Variants in IL12RB2 observed in about 807,000 individuals in gnomAD.
IL12RB2 encodes the protein interleukin 12 receptor subunit beta 2, also known as interleukin-12 receptor subunit beta-2.
Under a neutral mutation model 89.4 loss-of-function variants are expected in IL12RB2, and 82 were observed. The observed-to-expected ratio is 0.92, with a 90% CI of 0.77 to 1.10. IL12RB2 has a LOEUF of 1.10. Among genes scored for constraint, IL12RB2 ranks in the 50% least tolerant of loss-of-function variants. The pLI is 0.00. For synonymous variants in IL12RB2, 368 were observed against 370.1 expected, an observed-to-expected ratio of 0.99 and a Z score of 0.07; for missense variants, 963 against 1,031.9, an observed-to-expected ratio of 0.93 and a Z score of 0.92.
chr1:67,368,828 G>A (rs1006566301), intron 11 of IL12RB2, among the ~76,000 whole-genome samples: 3 of 152,096 alleles, frequency 2.0e-5, no homozygotes, highest in East Asian at 1.9e-4. Flanking sequence ...TACCTACCTC[G>A]TTGGGTTATT....
At chr1:67,320,774 A>T (rs1656387859) in intron 3 of IL12RB2, among the ~76,000 whole-genome samples, 1 of 151,820 alleles carries the variant, frequency 6.6e-6, no homozygotes, top group Admixed American at 6.6e-5. Context: ...GTTCTGGGAT[A>T]CATGTGCAGA....
intron 8 of IL12RB2, among the ~76,000 whole-genome samples, chr1:67,332,467 C>T (rs1022171273): frequency 2.6e-5 from 4 of 152,098 alleles, no homozygotes; most frequent in Admixed American, 6.5e-5. Context: ...CCACCTGCCT[C>T]GGCCTCCCAA....
chr1:67,379,027 G>C (rs17129917), intron 13 of IL12RB2, among the ~76,000 whole-genome samples: 1 of 147,418 alleles, frequency 6.8e-6, no homozygotes, highest in Non-Finnish European at 1.5e-5. Context: ...GTGAAACCCC[G>C]TTCTACTAAA....
At chr1:67,368,862 G>A (rs193257788) in intron 11 of IL12RB2, among the ~76,000 whole-genome samples, 14 of 152,248 alleles carry the variant, frequency 9.2e-5, no homozygotes, top group African/African-American at 3.1e-4. Flanking sequence ...GAATTACTTC[G>A]TGGAAAATGT....
intron 10 of IL12RB2, among the ~76,000 whole-genome samples, chr1:67,362,278 A>T (rs1369327840): frequency 6.8e-6 from 1 of 147,784 alleles, no homozygotes; most frequent in Non-Finnish European, 1.5e-5. Flanking sequence ...CTCAAAAAAG[A>T]AAAAGAGGCC....
chr1:67,382,763 T>C (rs1664746228), intron 14 of IL12RB2, among the ~76,000 whole-genome samples: 1 of 151,352 alleles, frequency 6.6e-6, no homozygotes, highest in African/African-American at 2.4e-5. Flanking sequence ...TGGAGTATAG[T>C]GGCATGATCA....
intron 14 of IL12RB2, among the ~76,000 whole-genome samples, chr1:67,382,407 A>G (rs1239018226): frequency 6.6e-6 from 1 of 152,174 alleles, no homozygotes; most frequent in Non-Finnish European, 1.5e-5. Flanking sequence ...TCTTTCTGCA[A>G]GACTGCAGAT....
At chr1:67,369,767 C>A (rs898047971) in intron 11 of IL12RB2, among the ~76,000 whole-genome samples, 1 of 151,980 alleles carries the variant, frequency 6.6e-6, no homozygotes, top group East Asian at 1.9e-4. Flanking sequence ...AGGCTGGGCG[C>A]GGTGGCTCAC....
chr1:67,392,286 A>G (rs1334905852), intron 16 of IL12RB2, among the ~76,000 whole-genome samples: 1 of 152,212 alleles, frequency 6.6e-6, no homozygotes, highest in African/African-American at 2.4e-5. Flanking sequence ...GTAAAGGTGC[A>G]CCAGGATGCA....
chr1:67,375,848 T>G (rs1035082208), intron 13 of IL12RB2, among the ~76,000 whole-genome samples: 52 of 139,412 alleles, frequency 3.7e-4, no homozygotes, highest in African/African-American at 1.3e-3. Context: ...TTTCTTTTTC[T>G]TTTTTTTTTT....
In IL12RB2 at chr1:67,327,488, C is replaced by T. The variant is rs10489626; in HGVS notation, c.479+639C>T. Among the ~76,000 whole-genome samples the T allele has an allele frequency of 2.0e-5, 3 of 152,072 alleles. No individual in the cohort carries two copies. In the South Asian group the frequency reaches 6.2e-4, roughly 32 times the overall value. On this transcript the variant is annotated intron_variant, in intron 5 of 16. Coordinates refer to ENST00000674203, the MANE Select transcript of IL12RB2 (RefSeq NM_001374259.2). ...TAGGGTTAAACTGGCTGCATAAGAT[C>T]GCTTCTCTTTTCTGCAGCTGTAGGC...
At chr1:67,330,861 G>A (rs575964353) in intron 8 of IL12RB2, 51 bp downstream of exon 8, 30 of 980,546 alleles carry the variant, frequency 3.1e-5, no homozygotes, top group Admixed American at 6.8e-5. Flanking sequence ...AGGGGAGAGA[G>A]GGGGGAAGAT....
Position 67,347,858 on chromosome 1 carries a change from G to A in IL12RB2, c.1039-3012G>A, listed in dbSNP as rs954500797. 2.6e-5 allele frequency among the ~76,000 whole-genome samples: 4 copies of A among 152,214 alleles called. No homozygotes were observed. The East Asian group carries it at 5.8e-4, about 22-fold the overall frequency. ...AGACACATTCTGGATACTGCGCACC[G>A]CTCTCACATCCACCAGAGGGCACTC... is the stretch of plus-strand genomic sequence containing the variant. On this transcript the variant is annotated intron_variant, in intron 9 of 16. Coordinates refer to ENST00000674203, the MANE Select transcript of IL12RB2 (RefSeq NM_001374259.2).
chr1:67,375,349 C>T (rs1663842447), intron 13 of IL12RB2, among the ~76,000 whole-genome samples: 1 of 152,104 alleles, frequency 6.6e-6, no homozygotes, highest in Admixed American at 6.5e-5. Flanking sequence ...AAGCTGAAAT[C>T]GCACCACTGC....
In IL12RB2 at chr1:67,338,652, C is replaced by T. The variant is rs771137126; in HGVS notation, c.987C>T (p.Tyr329=). Residue 329 remains tyrosine (Y), a synonymous_variant, in exon 9 of 17, where the codon TAC becomes TAT. Coordinates refer to ENST00000674203, the MANE Select transcript of IL12RB2 (RefSeq NM_001374259.2). ...EEPTGMLDVW[Y]MKRHIDYSRQ... ...CTACTGGGATGTTAGATGTCTGGTA[C>T]ATGAAACGGCACATTGACTACAGTA... 4 of 1,549,136 alleles carry T rather than the reference C, an allele frequency of 2.6e-6. No homozygotes were observed. In the East Asian group the frequency reaches 9.0e-5, roughly 35 times the overall value.
In IL12RB2 at chr1:67,329,738, C is replaced by G; in HGVS notation, c.807+9C>G. 1 of 1,594,564 alleles carries G rather than the reference C, an allele frequency of 6.3e-7. No individual in the cohort carries two copies. Among genetic ancestry groups the G allele is most frequent in the Non-Finnish European group, 8.6e-7 (1 of 1,162,332 alleles). On this transcript the variant is annotated intron_variant, in intron 7 of 16. Coordinates refer to ENST00000674203, the MANE Select transcript of IL12RB2 (RefSeq NM_001374259.2). ...GCAGGCTCTGGAATATGGTAATTAT[C>G]TTTAGAGTGAAGGAAAAAACACTGA...
intron 8 of IL12RB2, among the ~76,000 whole-genome samples, chr1:67,338,332 G>A (rs1480277363): frequency 3.5e-5 from 1 of 28,420 alleles, no homozygotes; most frequent in Non-Finnish European, 8.4e-5. Context: ...GCAAGATCCT[G>A]TCTCAAAAAA....
intron 11 of IL12RB2, among the ~76,000 whole-genome samples, chr1:67,371,096 G>A (rs548586785): frequency 6.6e-5 from 10 of 152,260 alleles, no homozygotes; most frequent in Non-Finnish European, 8.8e-5. Flanking sequence ...CTACTCACTG[G>A]CCCCTCCCAC....
intron 16 of IL12RB2, among the ~76,000 whole-genome samples, chr1:67,395,095 C>T (rs533460276): frequency 6.6e-6 from 1 of 152,034 alleles, no homozygotes; most frequent in African/African-American, 2.4e-5. Flanking sequence ...TGGTGAAACC[C>T]TGTCTCTACT....
Sources: allele counts gnomAD v4.1 joint callset (sites outside exome capture counted in the v4.1 genomes callset), GRCh38; gene constraint gnomAD v4.1.1; transcripts MANE v1.5; gene names NCBI Gene and HGNC (gene_info 2026-07-23, HGNC 2026-07-21).